The following HRC variants were observed in gnomAD, a reference collection of about 807,000 sequenced individuals.
HRC encodes the protein sarcoplasmic reticulum histidine-rich calcium-binding protein.
In HRC, 41 loss-of-function variants were observed where a neutral mutation model predicts 61.4. That is an observed-to-expected ratio of 0.67 (90% CI 0.52 to 0.87). The LOEUF (loss-of-function observed/expected upper bound fraction) is 0.87, where lower values mean the gene tolerates loss of function less well. HRC is among the 40% of genes least tolerant of loss of function. HRC has a pLI of 0.00. For synonymous variants in HRC, 308 were observed against 326.6 expected (o/e 0.94, Z 0.62); for missense variants, 839 against 885.8 (o/e 0.95, Z 0.67).
In HRC at chr19:49,155,001, C is replaced by T. The variant is rs763091274; in HGVS notation, c.237G>A (p.Gly79=). ...DENKDVSTEN[G]HHFWSHPDRE... ...GGTCTGGGTGGCTCCAGAAATGATG[C>T]CCATTCTCTGTGGAAACATCCTTGT... Residue 79 remains glycine, a synonymous_variant, in exon 1 of 6, where the codon GGG becomes GGA. Transcript: ENST00000252825. This position sits in a 1 kb window ranked among gnomAD's most constrained non-coding sequence, Gnocchi z 4.7. 7 of 1,614,222 alleles carry T rather than the reference C, an allele frequency of 4.3e-6. No homozygotes were observed. Among genetic ancestry groups the T allele is most frequent in the Non-Finnish European group, 5.1e-6 (6 of 1,180,034 alleles).
rs745427517 is a variant in HRC, at chr19:49,153,315, C to G, written c.1848G>C (p.Gln616His). ...ACCCTGGCTGGTAGTTCCCATACTC[C>G]TGAGCATCCTGTGGACCTGCGGGGA... ...SGEDTGPQDA[Q>H]EYGNYQPGSL... The change falls in exon 2 of 6, where the codon CAG (glutamine) becomes CAC (histidine). Residue 616 changes from glutamine to histidine, a missense_variant. By Grantham distance (24) the Gln-to-His change is conservative. Coordinates refer to ENST00000252825, the MANE Select transcript of HRC (RefSeq NM_002152.3). This position sits in a 1 kb window ranked among gnomAD's most constrained non-coding sequence, Gnocchi z 4.8. 29 of 1,613,974 alleles carry G rather than the reference C, an allele frequency of 1.8e-5. No homozygotes were observed. In the South Asian group the frequency reaches 3.0e-4, roughly 17 times the overall value.
chr19:49,153,409 G>T lies in HRC; in HGVS notation c.1829C>A (p.Thr610Lys). 1 of 1,613,230 alleles carries T rather than the reference G, an allele frequency of 6.2e-7. No homozygotes were observed. The highest frequency in any genetic ancestry group is 1.7e-5 in the Admixed American group (1 of 60,002). Reference protein sequence around the residue: ...ASSEEESGEDTGPQDAQEYGN... With the variant: ...ASSEEESGEDKGPQDAQEYGN... ...CCACACCAGCCCAGGCCACTTACCT[G>T]TGTCCTCACCGCTTTCCTCCTCGCT... Residue 610 changes from threonine to lysine, a missense_variant and splice_region_variant, in exon 1 of 6, where the codon ACA becomes AAA. Physicochemically the swap from Thr to Lys is moderately conservative, Grantham distance 78. Coordinates refer to ENST00000252825, the MANE Select transcript of HRC (RefSeq NM_002152.3). This position sits in a 1 kb window ranked among gnomAD's most constrained non-coding sequence, Gnocchi z 4.8.
Position 49,154,810 on chromosome 19 carries a change from T to TC in HRC, c.427dup (p.Glu143GlyfsTer5). ...GTGGTGCCTGTGCTCAGCTGAGTCT[T>TC]CCGTGTCTTCACTCCCGTGGCCTCT... On this transcript the variant is annotated frameshift_variant, in exon 1 of 6. Coordinates refer to ENST00000252825, the MANE Select transcript of HRC (RefSeq NM_002152.3). LOFTEE classifies it high-confidence loss of function. 1 of 1,614,170 alleles carries TC rather than the reference T, an allele frequency of 6.2e-7. No individual in the cohort carries two copies. The highest frequency in any genetic ancestry group is 8.5e-7 in the Non-Finnish European group (1 of 1,180,000).
Position 49,155,323 on chromosome 19 carries a change from C to A in HRC, c.-86G>T, listed in dbSNP as rs889530118. 6.9e-7 allele frequency: 1 copy of A among 1,454,840 alleles called. No homozygotes were observed. 90.1% of individuals were successfully genotyped at this position (1,454,840 alleles called of 1,614,324 possible). Reference sequence around the variant, plus strand: ...GTCTTTGTCCCTTTGGGGTTGGTCTCTTTTTTTCTCTGTGTCTCTCCTTTG... The same window carrying A: ...GTCTTTGTCCCTTTGGGGTTGGTCTATTTTTTTCTCTGTGTCTCTCCTTTG... On this transcript the variant is annotated 5_prime_UTR_variant, in exon 1 of 6. Coordinates refer to ENST00000252825, the MANE Select transcript of HRC (RefSeq NM_002152.3). The surrounding 1 kb of genome is among the most constrained non-coding windows in gnomAD (Gnocchi z 4.7).
chr19:49,152,745 T>C (rs963248782), intron 2 of HRC, among the ~76,000 whole-genome samples: 44 of 152,118 alleles, frequency 2.9e-4, no homozygotes, highest in Admixed American at 1.2e-3. Flanking sequence ...AATTTTTTTG[T>C]ATTTTTTAGT....
At position 49,151,515 on chromosome 19, in the gene HRC, A is replaced by G; in HGVS notation, c.2063+2T>C. 1.2e-6 allele frequency: 2 copies of G among 1,613,734 alleles called. No individual in the cohort carries two copies. The highest frequency in any genetic ancestry group is 8.5e-7 in the Non-Finnish European group (1 of 1,179,752). On this transcript the variant is annotated splice_donor_variant, in intron 5 of 5. Transcript: ENST00000252825. LOFTEE classifies it high-confidence loss of function. Reference sequence around the variant, plus strand: ...TTACACGCTCCCCTTTTACACACTTACTGATAAAGGGACGAGGAGAAATAG... The same window carrying G: ...TTACACGCTCCCCTTTTACACACTTGCTGATAAAGGGACGAGGAGAAATAG...
At chr19:49,152,511 C>T in intron 2 of HRC, 133 bp from the exon 3 acceptor site, 2 of 614,028 alleles carry the variant, frequency 3.3e-6, no homozygotes, top group Non-Finnish European at 5.4e-6. Flanking sequence ...AGCTCTGTAT[C>T]TGCCCCCCAA....
rs150611446 is a variant in HRC, at chr19:49,151,304, C to G, written c.2092G>C (p.Glu698Gln). 2,778 of 1,557,252 alleles carry G rather than the reference C, an allele frequency of 1.8e-3. 7 individuals are homozygous for G. Among genetic ancestry groups the G allele is most frequent in the Admixed American group, 2.3e-3 (120 of 51,692 alleles). ...QALADMLETP[E>Q]P The stretch of plus-strand genomic sequence containing the variant: ...GCAGTCGAGCGACTGGGTCAGGGTT[C>G]CGGCGTTTCCAGCATGTCTGCCAGG... The change falls in exon 6 of 6, where the codon GAA becomes CAA. Residue 698 changes from glutamate to glutamine, a missense_variant. Coordinates refer to ENST00000252825, the MANE Select transcript of HRC (RefSeq NM_002152.3).
In HRC at chr19:49,151,534, G is replaced by T; in HGVS notation, c.2046C>A (p.Phe682Leu). 6.2e-7 allele frequency: 1 copy of T among 1,613,942 alleles called. No homozygotes were observed. Among genetic ancestry groups the T allele is most frequent in the South Asian group, 1.1e-5 (1 of 91,062 alleles). Residue 682 changes from phenylalanine to leucine, a missense_variant, in exon 5 of 6, where the codon TTC becomes TTA. Physicochemically the swap from Phe to Leu is conservative, Grantham distance 22 (BLOSUM62 0). Coordinates refer to ENST00000252825, the MANE Select transcript of HRC (RefSeq NM_002152.3). Reference protein sequence around the residue: ...VCAPGSYVDYFSSSLYQALAD... With the variant: ...VCAPGSYVDYLSSSLYQALAD... ...ACACTTACTGATAAAGGGACGAGGA[G>T]AAATAGTCAACGTAGCTTCCTGTGG...
In HRC at chr19:49,152,354, G is replaced by A. The variant is rs759956517; in HGVS notation, c.1927C>T (p.His643Tyr). 31 of 1,613,592 alleles carry A rather than the reference G, an allele frequency of 1.9e-5. No homozygotes were observed. In the Middle Eastern group the frequency reaches 9.9e-4, roughly 51 times the overall value. The change falls in exon 3 of 6, where the codon CAC becomes TAC. Residue 643 changes from histidine (H) to tyrosine (Y), a missense_variant. Transcript: ENST00000252825. ...TCACCCATGTTCTCCTCATCACAGT[G>A]ACAGCTCTCACATTCAGTGCATCGC... ...CNRCTECESC[H>Y]CDEENMGEHC...
chr19:49,154,755 T>C lies in HRC; in HGVS notation c.483A>G (p.Gln161=), dbSNP rs780923644. Residue 161 remains glutamine (Q), a synonymous_variant, in exon 1 of 6, where the codon CAA becomes CAG. Coordinates refer to ENST00000252825, the MANE Select transcript of HRC (RefSeq NM_002152.3). ...HLPSHRSHSH[Q]DEDEDEVVSS... ...ACACAACTTCATCCTCATCCTCGTC[T>C]TGATGGCTGTGGCTCCTGTGGCTGG... 8 of 1,614,084 alleles carry C rather than the reference T, an allele frequency of 5.0e-6. No individual in the cohort carries two copies. Among genetic ancestry groups the C allele is most frequent in the East Asian group, 2.2e-5 (1 of 44,870 alleles).
At position 49,153,184 on chromosome 19, in the gene HRC, T is replaced by G; in HGVS notation, c.1902+77A>C. On this transcript the variant is annotated intron_variant, in intron 2 of 5. Transcript: ENST00000252825. The surrounding 1 kb of genome is among the most constrained non-coding windows in gnomAD (Gnocchi z 4.8). ...CCTGGCCTGCCCTTGCTCTGAGCCC[T>G]CCCACAGCACCACCCCAGGGCCCCT... 8.8e-7 allele frequency: 1 copy of G among 1,133,142 alleles called. No homozygotes were observed. The highest frequency in any genetic ancestry group is 1.3e-6 in the Non-Finnish European group (1 of 751,462). 70.2% of individuals were successfully genotyped at this position (1,133,142 alleles called of 1,614,324 possible).
intron 5 of HRC, 30 bp from the exon 6 acceptor site, chr19:49,151,362 G>A: frequency 6.4e-7 from 1 of 1,556,042 alleles, no homozygotes; most frequent in Admixed American, 2.0e-5. Flanking sequence ...AAGTTAGACA[G>A]CTGGTGTTCA....
chr19:49,151,930 C>T (rs1303554421), intron 4 of HRC, 74 bp downstream of exon 4: 5 of 1,455,232 alleles, frequency 3.4e-6, no homozygotes, highest in African/African-American at 1.4e-5. Context: ...GGGCCAGGCT[C>T]CGCCCCCACC....
chr19:49,151,279 G>T lies in HRC; in HGVS notation c.*17C>A, dbSNP rs759171387. On this transcript the variant is annotated 3_prime_UTR_variant, in exon 6 of 6. Transcript: ENST00000252825. Reference sequence around the variant, plus strand: ...AGGCAGGGGGAGGTACACCTGCGTCGCAGTCGAGCGACTGGGTCAGGGTTC... The same window carrying T: ...AGGCAGGGGGAGGTACACCTGCGTCTCAGTCGAGCGACTGGGTCAGGGTTC... The T allele has an allele frequency of 2.6e-6, 4 of 1,544,382 alleles. No individual in the cohort carries two copies. In the African/African-American group the frequency reaches 5.5e-5, roughly 21 times the overall value.
In HRC at chr19:49,153,223, G is replaced by C; in HGVS notation, c.1902+38C>G. 1 of 1,538,722 alleles carries C rather than the reference G, an allele frequency of 6.5e-7. No individual in the cohort carries two copies. Among genetic ancestry groups the C allele is most frequent in the Non-Finnish European group, 9.0e-7 (1 of 1,112,248 alleles). On this transcript the variant is annotated intron_variant, in intron 2 of 5. Transcript: ENST00000252825. This position sits in a 1 kb window ranked among gnomAD's most constrained non-coding sequence, Gnocchi z 4.8. The stretch of plus-strand genomic sequence containing the variant: ...CCCAGGGCCCCTGGGACAGATTCTG[G>C]GGACACCTTGGTGGGTGGATCTGGG...
chr19:49,152,899 C>A (rs1366054092), intron 2 of HRC, among the ~76,000 whole-genome samples: 1 of 152,048 alleles, frequency 6.6e-6, no homozygotes, highest in Non-Finnish European at 1.5e-5. Flanking sequence ...CTCAGGGCGA[C>A]CCCATGTCTC....
rs749786858 is a variant in HRC at position 49,154,319 on chromosome 19, CATCATT to C, written c.913_918del (p.Asn305_Asp306del). ...CCATACTCAGTGGAGACATCATCAT[CATCATT>C]GTCATCTTCTTCATGGCTTCGGTGC... On this transcript the variant is annotated inframe_deletion, in exon 1 of 6. Coordinates refer to ENST00000252825, the MANE Select transcript of HRC (RefSeq NM_002152.3). 1 of 1,613,458 alleles carries C rather than the reference CATCATT, an allele frequency of 6.2e-7. No homozygotes were observed. The highest frequency in any genetic ancestry group is 1.1e-5 in the South Asian group (1 of 91,038).
chr19:49,153,462 G>A lies in HRC; in HGVS notation c.1776C>T (p.Asp592=). The change falls in exon 1 of 6, where the codon GAC becomes GAT. Residue 592 remains aspartate, a synonymous_variant. Transcript: ENST00000252825. This position sits in a 1 kb window ranked among gnomAD's most constrained non-coding sequence, Gnocchi z 4.8. ...PRFTIIPNPL[D]RREEAGGASS... ...AGGCACCTCCAGCCTCCTCTCTCCT[G>A]TCCAGTGGGTTGGGGATGATGGTGA... 1 of 1,600,988 alleles carries A rather than the reference G, an allele frequency of 6.2e-7. No homozygotes were observed. The highest frequency in any genetic ancestry group is 1.3e-5 in the African/African-American group (1 of 74,808).
Sources: gnomAD v4.1 joint callset for allele counts (sites outside exome capture counted in the v4.1 genomes callset) on GRCh38, gnomAD v4.1.1 for gene constraint, Gnocchi (gnomAD v3.1) non-coding constraint, MANE v1.5 for transcripts, NCBI Gene and HGNC (gene_info 2026-07-23, HGNC 2026-07-21) for gene names.